The following USP5 variants were observed in gnomAD, a reference collection of about 807,000 sequenced individuals.
USP5 encodes the protein ubiquitin specific peptidase 5, also known as ubiquitin carboxyl-terminal hydrolase 5.
A neutral mutation model predicts 102.5 loss-of-function variants in USP5; 24 were observed. The ratio of observed to expected loss-of-function variants is 0.23; its 90% CI spans 0.17 to 0.33. The LOEUF (loss-of-function observed/expected upper bound fraction) is 0.33, where lower values mean the gene tolerates loss of function less well. Ranked by LOEUF, USP5 falls within the 10% of genes least tolerant of loss-of-function variation. USP5 has a pLI of 1.00. For missense variants in USP5, 753 were observed against 1,122.1 expected (o/e 0.67, Z 4.70); for synonymous variants, 460 against 434.8 (o/e 1.06, Z -0.72).
At position 6,860,091 on chromosome 12, in the gene USP5, T is replaced by C; in HGVS notation, c.1131-60T>C. On this transcript the variant is annotated intron_variant, in intron 9 of 19. Coordinates refer to ENST00000229268, the MANE Select transcript of USP5 (RefSeq NM_001098536.2). This position sits in a 1 kb window ranked among gnomAD's most constrained non-coding sequence, Gnocchi z 5.5. The stretch of plus-strand genomic sequence containing the variant: ...GAGAGCCACGAGCAGGGGGTTGAGC[T>C]GGGGACACACAGGGTCGTTAGTTGA... 4 of 1,580,754 alleles carry C rather than the reference T, an allele frequency of 2.5e-6. No homozygotes were observed. Among genetic ancestry groups the C allele is most frequent in the Non-Finnish European group, 3.4e-6 (4 of 1,162,422 alleles).
At position 6,861,965 on chromosome 12, in the gene USP5, C is replaced by T. The variant is rs782798881; in HGVS notation, c.1673+348C>T. The stretch of plus-strand genomic sequence containing the variant: ...TCCAGCAAATAGCCACACTTTGAGC[C>T]TAGCCATTGGCACCTGGCATGGGTG... On this transcript the variant is annotated intron_variant, in intron 13 of 19. Coordinates refer to ENST00000229268, the MANE Select transcript of USP5 (RefSeq NM_001098536.2). The surrounding 1 kb of genome is among the most constrained non-coding windows in gnomAD (Gnocchi z 4.9). Among the ~76,000 whole-genome samples, 2 of 152,164 alleles carry T rather than the reference C, an allele frequency of 1.3e-5. No individual in the cohort carries two copies. Among genetic ancestry groups the T allele is most frequent in the South Asian group, 4.2e-4 (2 of 4,810 alleles).
Position 6,852,173 on chromosome 12 carries a change from C to G in USP5, c.-7C>G, listed in dbSNP as rs1412989546. ...CCGCCGTGTGTGGAGAAGCTGCTGC[C>G]GGTGTCATGGCGGAGCTGAGTGAGG... is the stretch of plus-strand genomic sequence containing the variant. On this transcript the variant is annotated 5_prime_UTR_variant, in exon 1 of 20. Coordinates refer to ENST00000229268, the MANE Select transcript of USP5 (RefSeq NM_001098536.2). 6 of 1,608,320 alleles carry G rather than the reference C, an allele frequency of 3.7e-6. No individual in the cohort carries two copies. Among genetic ancestry groups the G allele is most frequent in the African/African-American group, 2.7e-5 (2 of 74,884 alleles).
chr12:6,857,022 A>G (rs1359888968), intron 6 of USP5, 131 bp downstream of exon 6: 10 of 1,239,144 alleles, frequency 8.1e-6, no homozygotes, highest in East Asian at 5.2e-5. Context: ...GCGGTGGCTC[A>G]TGTTTGCAAT....
rs1344764493 is a variant in USP5 at position 6,860,851 on chromosome 12, G to A, written c.1345-102G>A. The A allele has an allele frequency of 1.2e-5, 18 of 1,507,468 alleles. No homozygotes were observed. Among genetic ancestry groups the A allele is most frequent in the East Asian group, 9.1e-5 (4 of 44,152 alleles). 93.4% of individuals were successfully genotyped at this position (1,507,468 alleles called of 1,614,324 possible). ...CTCTGCTCTTGTGTCCCTGAGTTCC[G>A]AGTGGTAGTCTGCCTTCTCTCCCTG... On this transcript the variant is annotated intron_variant, in intron 11 of 19. Transcript: ENST00000229268. The surrounding 1 kb of genome is among the most constrained non-coding windows in gnomAD (Gnocchi z 5.5).
chr12:6,853,431 GGCAGA>G (rs1483664252), intron 1 of USP5, among the ~76,000 whole-genome samples: 1 of 152,204 alleles, frequency 6.6e-6, no homozygotes, highest in Non-Finnish European at 1.5e-5. Context: ...GTCTGGCTTT[GGCAGA>G]GGTAAAAGAG....
chr12:6,862,392 G>A, intron 13 of USP5, 78 bp from the exon 14 acceptor site: 1 of 1,292,642 alleles, frequency 7.7e-7, no homozygotes, highest in South Asian at 1.2e-5. Flanking sequence ...CCCATGAGGG[G>A]CTGAACCCCA....
chr12:6,856,973 T>G lies in USP5; in HGVS notation c.769+82T>G. 3 of 1,494,906 alleles carry G rather than the reference T, an allele frequency of 2.0e-6. No homozygotes were observed. The highest frequency in any genetic ancestry group is 1.3e-5 in the South Asian group (1 of 79,298). The allele number at this position is 1,494,906 out of a possible 1,614,324, so 92.6% of individuals were successfully genotyped here. ...AATTTCGTGTGACATGTATAATACA[T>G]GAATGCATTATCTTGATAAGAAAGG... On this transcript the variant is annotated intron_variant, in intron 6 of 19. Transcript: ENST00000229268. This position sits in a 1 kb window ranked among gnomAD's most constrained non-coding sequence, Gnocchi z 5.6.
rs1555130089 is a variant in USP5 at position 6,863,830 on chromosome 12, C to T, written c.1955C>T (p.Ser652Leu). The T allele has an allele frequency of 1.9e-6, 3 of 1,573,758 alleles. No homozygotes were observed. The highest frequency in any genetic ancestry group is 1.8e-5 in the Admixed American group (1 of 54,828). The change falls in exon 16 of 20, where the codon TCG (serine) becomes TTG (leucine). Residue 652 changes from serine to leucine, a missense_variant and splice_region_variant. Around this residue, in one of 3 missense-constraint regions of USP5, gnomAD observed 193 missense variants for 230.2 expected, o/e 0.84. Coordinates refer to ENST00000229268, the MANE Select transcript of USP5 (RefSeq NM_001098536.2). This position sits in a 1 kb window ranked among gnomAD's most constrained non-coding sequence, Gnocchi z 4.7. ...FCSPHFSSPT[S>L]PMLDESVIIQ... is the part of the protein sequence containing the mutation. Reference sequence around the variant, plus strand: ...CGTGTACCCACAATTCCCATTACAGCGCCCATGCTGGATGAATCAGTCATC... The same window carrying T: ...CGTGTACCCACAATTCCCATTACAGTGCCCATGCTGGATGAATCAGTCATC...
chr12:6,859,540 G>C lies in USP5; in HGVS notation c.1129G>C (p.Val377Leu). ...CCCTACCCAGGATTTCAGCACCCAG[G>C]TGTATGTAACCAGGTCCTATGTAGG... ...TDPTQDFSTQ[V>L]AKLGHGLLSG... Residue 377 changes from valine (V) to leucine (L), a missense_variant and splice_region_variant, in exon 9 of 20, where the codon GTG becomes CTG. Around this residue, in one of 3 missense-constraint regions of USP5, gnomAD observed 527 missense variants for 816.5 expected, o/e 0.65. Coordinates refer to ENST00000229268, the MANE Select transcript of USP5 (RefSeq NM_001098536.2). The C allele has an allele frequency of 6.2e-7, 1 of 1,614,154 alleles. No homozygotes were observed. The highest frequency in any genetic ancestry group is 8.5e-7 in the Non-Finnish European group (1 of 1,180,004).
In USP5 at chr12:6,855,435, C is replaced by T. The variant is rs149569083; in HGVS notation, c.146C>T (p.Thr49Met). 22 of 1,614,074 alleles carry T rather than the reference C, an allele frequency of 1.4e-5. No individual in the cohort carries two copies. The highest frequency in any genetic ancestry group is 1.5e-5 in the Non-Finnish European group (18 of 1,180,048). The change falls in exon 2 of 20, where the codon ACG becomes ATG. Residue 49 changes from threonine to methionine, a missense_variant. Coordinates refer to ENST00000229268, the MANE Select transcript of USP5 (RefSeq NM_001098536.2). This position sits in a 1 kb window ranked among gnomAD's most constrained non-coding sequence, Gnocchi z 4.6. ...SEGGLYICMN[T>M]FLGFGKQYVE... ...GGGGGCCTCTACATCTGTATGAACACGTTTCTGGGCTTTGGGAAACAGTAT... is the reference window on the plus strand; with the variant it reads ...GGGGGCCTCTACATCTGTATGAACATGTTTCTGGGCTTTGGGAAACAGTAT...
chr12:6,865,045 A>G, intron 18 of USP5, 119 bp from the exon 19 acceptor site: 1 of 1,276,540 alleles, frequency 7.8e-7, no homozygotes, highest in Non-Finnish European at 1.1e-6. Flanking sequence ...CTGGCCCAGT[A>G]CCTGCCTCAC....
Position 6,861,062 on chromosome 12 carries a change from A to G in USP5, c.1454A>G (p.Tyr485Cys), listed in dbSNP as rs1555129436. 1.9e-6 allele frequency: 3 copies of G among 1,614,228 alleles called. No individual in the cohort carries two copies. Among genetic ancestry groups the G allele is most frequent in the Non-Finnish European group, 2.5e-6 (3 of 1,180,044 alleles). The change falls in exon 12 of 20, where the codon TAC becomes TGC. Residue 485 changes from tyrosine (Y) to cysteine (C), a missense_variant. This residue lies in a region of USP5 where 527 missense variants were observed against 816.5 expected (regional missense o/e 0.65). Coordinates refer to ENST00000229268, the MANE Select transcript of USP5 (RefSeq NM_001098536.2). The surrounding 1 kb of genome is among the most constrained non-coding windows in gnomAD (Gnocchi z 4.9). The part of the protein sequence containing the change: ...EKVKYTQRVD[Y>C]IMQLPVPMDA... ...GTGAAGTACACCCAGCGAGTTGACTACATCATGCAGCTGCCTGTGCCCATG... is the reference window on the plus strand; with the variant it reads ...GTGAAGTACACCCAGCGAGTTGACTGCATCATGCAGCTGCCTGTGCCCATG...
At position 6,860,928 on chromosome 12, in the gene USP5, T is replaced by C; in HGVS notation, c.1345-25T>C. ...ATTCTGTTCCCTGGCTGCCCAGACC[T>C]CCCTACCCTGCCTCTTTCCCATAGA... On this transcript the variant is annotated intron_variant, in intron 11 of 19. Transcript: ENST00000229268. The surrounding 1 kb of genome is among the most constrained non-coding windows in gnomAD (Gnocchi z 5.5). The C allele has an allele frequency of 6.2e-7, 1 of 1,613,516 alleles. No homozygotes were observed. The highest frequency in any genetic ancestry group is 1.7e-4 in the Middle Eastern group (1 of 6,052).
chr12:6,858,050 G>A lies in USP5; in HGVS notation c.864+327G>A, dbSNP rs1177059748. Among the ~76,000 whole-genome samples the A allele has an allele frequency of 6.6e-6, 1 of 152,142 alleles. No homozygotes were observed. Among genetic ancestry groups the A allele is most frequent in the Non-Finnish European group, 1.5e-5 (1 of 68,030 alleles). On this transcript the variant is annotated intron_variant, in intron 7 of 19. Transcript: ENST00000229268. The surrounding 1 kb of genome is among the most constrained non-coding windows in gnomAD (Gnocchi z 4.2). ...GGGCACTGTGAAAGAGAGGCGGAGG[G>A]TACTACAGTAATTGACAGCAGGGTG...
In USP5 at chr12:6,858,033, TGAAAGAGAGGCG is replaced by T. The variant is rs1944170282; in HGVS notation, c.864+313_864+324del. Among the ~76,000 whole-genome samples, 1 of 152,138 alleles carries T rather than the reference TGAAAGAGAGGCG, an allele frequency of 6.6e-6. No individual in the cohort carries two copies. Among genetic ancestry groups the T allele is most frequent in the South Asian group, 2.1e-4 (1 of 4,834 alleles). On this transcript the variant is annotated intron_variant, in intron 7 of 19. Transcript: ENST00000229268. This position sits in a 1 kb window ranked among gnomAD's most constrained non-coding sequence, Gnocchi z 4.2. The stretch of plus-strand genomic sequence containing the variant: ...AATAGTTGCAAACTGGTGGGCACTG[TGAAAGAGAGGCG>T]GAGGGTACTACAGTAATTGACAGCA...
At chr12:6,852,327 TC>T in intron 1 of USP5, 37 bp downstream of exon 1, 1 of 1,571,756 alleles carries the variant, frequency 6.4e-7, no homozygotes, top group African/African-American at 1.3e-5. Context: ...GAGCACGACT[TC>T]CTTCCATCGC....
intron 1 of USP5, among the ~76,000 whole-genome samples, chr12:6,852,544 C>T (rs1180702650): frequency 6.6e-6 from 1 of 152,294 alleles, no homozygotes; most frequent in Non-Finnish European, 1.5e-5. Flanking sequence ...CACTCACTGC[C>T]TTCGTTGCCG....
At position 6,856,683 on chromosome 12, in the gene USP5, C is replaced by T. The variant is rs1591605852; in HGVS notation, c.585-24C>T. 1.9e-6 allele frequency: 3 copies of T among 1,612,222 alleles called. 1 individual carries two copies. The highest frequency in any genetic ancestry group is 8.5e-7 in the Non-Finnish European group (1 of 1,179,048). On this transcript the variant is annotated intron_variant, in intron 5 of 19. Transcript: ENST00000229268. This position sits in a 1 kb window ranked among gnomAD's most constrained non-coding sequence, Gnocchi z 5.6. Reference sequence around the variant, plus strand: ...CTCAAATCCCCGACCCACATTTCTGCTGATTCTCTTCTCTGTGGGTTAGTG... The same window carrying T: ...CTCAAATCCCCGACCCACATTTCTGTTGATTCTCTTCTCTGTGGGTTAGTG...
rs782393678 is a variant in USP5, at chr12:6,858,534, C to T, written c.975C>T (p.Tyr325=). 1.2e-6 allele frequency: 2 copies of T among 1,613,938 alleles called. No individual in the cohort carries two copies. Among genetic ancestry groups the T allele is most frequent in the South Asian group, 2.2e-5 (2 of 91,076 alleles). Residue 325 remains tyrosine, a synonymous_variant, in exon 8 of 20, where the codon TAC becomes TAT. Coordinates refer to ENST00000229268, the MANE Select transcript of USP5 (RefSeq NM_001098536.2). The surrounding 1 kb of genome is among the most constrained non-coding windows in gnomAD (Gnocchi z 4.2). ...TCAAGCCCCTGTTTGGGCCTGGCTA[C>T]ACAGGCATCCGGAACCTGGGTAACA... ...VPLKPLFGPG[Y]TGIRNLGNSC... is the part of the protein sequence containing the mutation.
Sources: gnomAD v4.1 joint callset for allele counts (sites outside exome capture counted in the v4.1 genomes callset) on GRCh38, gnomAD v4.1.1 for gene constraint, gnomAD v4.1.1 regional missense constraint, Gnocchi (gnomAD v3.1) non-coding constraint, MANE v1.5 for transcripts, NCBI Gene and HGNC (gene_info 2026-07-23, HGNC 2026-07-21) for gene names.